DBX2: variants seen among roughly 807,000 people sequenced by gnomAD.
The protein encoded by DBX2 is homeobox protein DBX2.
DBX2 carries 16 observed loss-of-function variants against 17.7 expected under a neutral mutation model. The ratio of observed to expected loss-of-function variants is 0.90; its 90% confidence interval spans 0.61 to 1.37. The LOEUF is 1.37. DBX2 is among the 40% of genes most tolerant of loss of function. The pLI is 0.00. For synonymous variants in DBX2, 255 were observed against 183.8 expected, an observed-to-expected ratio of 1.39 and a Z score of -3.13; for missense variants, 538 against 433.8, an observed-to-expected ratio of 1.24 and a Z score of -2.13.
Position 45,050,947 on chromosome 12 carries a change from T to G in DBX2, c.-20A>C. 1.4e-6 allele frequency: 2 copies of G among 1,409,778 alleles called. No individual in the cohort carries two copies. The highest frequency in any genetic ancestry group is 3.0e-5 in the African/African-American group (2 of 66,512). 87.3% of individuals were successfully genotyped at this position (1,409,778 alleles called of 1,614,324 possible). A position where few individuals can be genotyped will look rare whatever the true frequency, so the allele number is the denominator to read the frequency against. ...GAGCATAGTGCGGCGCCAACCGGTC[T>G]GCTGCGCGCCCGCCTTGCGCCCGCC... On this transcript the variant is annotated 5_prime_UTR_variant, in exon 1 of 4. Coordinates refer to ENST00000332700, the MANE Select transcript of DBX2 (RefSeq NM_001004329.3).
rs139089550 is a variant in DBX2, at chr12:45,023,866, T to A, written c.528A>T (p.Thr176=). The A allele has an allele frequency of 1.3e-6, 2 of 1,586,078 alleles. No individual in the cohort carries two copies. Among genetic ancestry groups the A allele is most frequent in the Non-Finnish European group, 1.7e-6 (2 of 1,169,258 alleles). ...PREESMLPLL[T]QDSNSKARRG... ...TCCGAGCTTTGGAATTAGAGTCCTGTGTCAGGAGAGGCAGCATGCTCTCTT... is the reference window on the plus strand; with the variant it reads ...TCCGAGCTTTGGAATTAGAGTCCTGAGTCAGGAGAGGCAGCATGCTCTCTT... The change falls in exon 3 of 4, where the codon ACA becomes ACT. Residue 176 remains threonine (T), a synonymous_variant. Transcript: ENST00000332700.
At position 45,016,320 on chromosome 12, in the gene DBX2, GCTT is replaced by G. The variant is rs1347109514; in HGVS notation, c.983_985del (p.Glu328del). 7.5e-6 allele frequency: 12 copies of G among 1,596,290 alleles called. No homozygotes were observed. The highest frequency in any genetic ancestry group is 2.2e-5 in the East Asian group (1 of 44,724). The stretch of plus-strand genomic sequence containing the variant: ...CCCAGTAAGTACACCCTTGCTTCCA[GCTT>G]CTTCTTCAGAACATAAATATAAGGC... On this transcript the variant is annotated inframe_deletion, in exon 4 of 4. Transcript: ENST00000332700.
intron 3 of DBX2, among the ~76,000 whole-genome samples, chr12:45,021,993 C>T (rs1042128459): frequency 6.6e-6 from 1 of 152,114 alleles, no homozygotes; most frequent in Non-Finnish European, 1.5e-5. Context: ...CAGTGTCTTG[C>T]ACACAACAGA....
chr12:45,022,955 C>A (rs560848529), intron 3 of DBX2, among the ~76,000 whole-genome samples: 4 of 152,130 alleles, frequency 2.6e-5, no homozygotes, highest in Admixed American at 6.5e-5. Context: ...ATAGGACCTA[C>A]GTTCAGTTTC....
intron 2 of DBX2, among the ~76,000 whole-genome samples, chr12:45,032,159 C>A (rs1370114120): frequency 6.6e-6 from 1 of 152,102 alleles, no homozygotes; most frequent in Non-Finnish European, 1.5e-5. Context: ...GTCTCTGACT[C>A]CTTTAAACAT....
chr12:45,038,551 A>G (rs1162433074), intron 1 of DBX2, among the ~76,000 whole-genome samples: 2 of 151,488 alleles, frequency 1.3e-5, no homozygotes, highest in East Asian at 3.9e-4. Context: ...ATATATACAT[A>G]TATATATTAC....
chr12:45,039,214 T>C (rs1458588680), intron 1 of DBX2, among the ~76,000 whole-genome samples: 1 of 145,168 alleles, frequency 6.9e-6, no homozygotes, highest in Non-Finnish European at 1.5e-5. Flanking sequence ...AGTGAGCACA[T>C]GATTGCAGGA....
intron 2 of DBX2, among the ~76,000 whole-genome samples, chr12:45,027,048 G>A (rs898223954): frequency 2.6e-5 from 4 of 152,102 alleles, no homozygotes; most frequent in African/African-American, 4.8e-5. Context: ...ATCTCAATAT[G>A]TGCATCTTTT....
At position 45,050,453 on chromosome 12, in the gene DBX2, G is replaced by T. The variant is rs868354732; in HGVS notation, c.403+72C>A. On this transcript the variant is annotated intron_variant, in intron 1 of 3. Coordinates refer to ENST00000332700, the MANE Select transcript of DBX2 (RefSeq NM_001004329.3). The stretch of plus-strand genomic sequence containing the variant: ...CCTGGGCGCAGTGCGCACCGCCGGC[G>T]CTCCCAGATCCCTGGACCACCCGGC... 1.7e-5 allele frequency: 25 copies of T among 1,509,738 alleles called. No individual in the cohort carries two copies. In the African/African-American group the frequency reaches 2.7e-4, roughly 16 times the overall value. 93.5% of individuals were successfully genotyped at this position (1,509,738 alleles called of 1,614,324 possible). A position where few individuals can be genotyped will look rare whatever the true frequency, so the allele number is the denominator to read the frequency against.
At chr12:45,039,548 T>TC (rs1477085922) in intron 1 of DBX2, among the ~76,000 whole-genome samples, 2 of 151,668 alleles carry the variant, frequency 1.3e-5, no homozygotes, top group Non-Finnish European at 2.9e-5. Context: ...TAATCATTTA[T>TC]CATGTTAGAA....
rs760589275 is a variant in DBX2 at position 45,050,850 on chromosome 12, G to C, written c.78C>G (p.Pro26=). 2 of 1,538,554 alleles carry C rather than the reference G, an allele frequency of 1.3e-6. No individual in the cohort carries two copies. Among genetic ancestry groups the C allele is most frequent in the South Asian group, 1.2e-5 (1 of 81,900 alleles). ...CCAGGTTGCCAAAGCCGGGCGCAGC[G>C]GGGAGGTTGAGGAGCGCGGAGGAAG... ...VVASSALLNL[P]AAPGFGNLGK... The change falls in exon 1 of 4, where the codon CCC becomes CCG. Residue 26 remains proline (P), a synonymous_variant. Coordinates refer to ENST00000332700, the MANE Select transcript of DBX2 (RefSeq NM_001004329.3).
chr12:45,029,418 C>T (rs1244106802), intron 2 of DBX2, among the ~76,000 whole-genome samples: 1 of 152,172 alleles, frequency 6.6e-6, no homozygotes, highest in Non-Finnish European at 1.5e-5. Context: ...AAAAACTAGG[C>T]TCTAGAAAGT....
intron 3 of DBX2, 78 bp from the exon 4 acceptor site, chr12:45,016,696 C>T (rs1946325709): frequency 8.6e-6 from 12 of 1,394,440 alleles, no homozygotes; most frequent in Non-Finnish European, 9.6e-6. Context: ...GTAATTGCTT[C>T]TACTATCCCT....
intron 2 of DBX2, among the ~76,000 whole-genome samples, chr12:45,028,633 G>A (rs1390002621): frequency 2.0e-5 from 3 of 152,152 alleles, no homozygotes; most frequent in Non-Finnish European, 4.4e-5. Context: ...TCTCACCACT[G>A]TGATATACAT....
chr12:45,036,138 T>C (rs776174073), intron 1 of DBX2, 24 bp from the exon 2 acceptor site: 9 of 1,574,736 alleles, frequency 5.7e-6, no homozygotes, highest in African/African-American at 2.7e-5. Flanking sequence ...ATTGATCTCA[T>C]TGATTAGCCA....
chr12:45,018,256 T>C (rs752705098), intron 3 of DBX2, among the ~76,000 whole-genome samples: 7 of 152,236 alleles, frequency 4.6e-5, no homozygotes, highest in Non-Finnish European at 8.8e-5. Flanking sequence ...TAGTGATTCT[T>C]GCCTTTGTCA....
In DBX2 at chr12:45,050,952, C is replaced by T; in HGVS notation, c.-25G>A. On this transcript the variant is annotated 5_prime_UTR_variant, in exon 1 of 4. Coordinates refer to ENST00000332700, the MANE Select transcript of DBX2 (RefSeq NM_001004329.3). ...TAGTGCGGCGCCAACCGGTCTGCTG[C>T]GCGCCCGCCTTGCGCCCGCCTGTCG... The T allele has an allele frequency of 7.1e-7, 1 of 1,403,012 alleles. No individual in the cohort carries two copies. The highest frequency in any genetic ancestry group is 1.6e-5 in the South Asian group (1 of 60,810). The allele number at this position is 1,403,012 out of a possible 1,614,324, so 86.9% of individuals were successfully genotyped here.
intron 1 of DBX2, among the ~76,000 whole-genome samples, chr12:45,045,341 T>C (rs1409874002): frequency 6.6e-6 from 1 of 152,248 alleles, no homozygotes; most frequent in African/African-American, 2.4e-5. Context: ...AAAAGATCTT[T>C]GTATTTAATG....
At chr12:45,039,321 A>ATGTG (rs200211880) in intron 1 of DBX2, among the ~76,000 whole-genome samples, 3 of 103,664 alleles carry the variant, frequency 2.9e-5, no homozygotes, top group African/African-American at 1.0e-4. Context: ...ATATATATAT[A>ATGTG]TGTATCACAC....
Sources: allele counts gnomAD v4.1 joint callset (sites outside exome capture counted in the v4.1 genomes callset), GRCh38; gene constraint gnomAD v4.1.1; transcripts MANE v1.5; gene names NCBI Gene and HGNC (gene_info 2026-07-23, HGNC 2026-07-21).